GPR137C: variants seen among roughly 807,000 people sequenced by gnomAD.
GPR137C encodes integral membrane protein GPR137C.
Under a neutral mutation model 43.4 loss-of-function variants are expected in GPR137C, and 27 were observed. The observed-to-expected ratio is 0.62, with a 90% CI of 0.46 to 0.86. The LOEUF (loss-of-function observed/expected upper bound fraction) is 0.86. Ranked by LOEUF, GPR137C falls within the 40% of genes least tolerant of loss-of-function variation. The probability of loss-of-function intolerance (pLI) is 0.00; values close to 1 mark genes in which losing one functional copy is unlikely to be tolerated. For synonymous variants in GPR137C, 285 were observed against 226.9 expected, an observed-to-expected ratio of 1.26 and a Z score of -2.30; for missense variants, 522 against 534.6, an observed-to-expected ratio of 0.98 and a Z score of 0.23.
chr14:52,621,836 A>C (rs2039164701), intron 3 of GPR137C, among the ~76,000 whole-genome samples: 1 of 151,688 alleles, frequency 6.6e-6, no homozygotes, highest in African/African-American at 2.4e-5. Flanking sequence ...TTGTTTGTGT[A>C]TATTATATCT....
chr14:52,579,311 A>T (rs2038610060), intron 1 of GPR137C, among the ~76,000 whole-genome samples: 1 of 152,174 alleles, frequency 6.6e-6, no homozygotes. Flanking sequence ...TCTCCAGAGA[A>T]TAAATACCCA....
intron 3 of GPR137C, among the ~76,000 whole-genome samples, chr14:52,604,417 C>G (rs2038960805): frequency 6.6e-6 from 1 of 150,820 alleles, no homozygotes; most frequent in African/African-American, 2.4e-5. Context: ...GTTTTAAATC[C>G]ATTTTTGTAG....
intron 3 of GPR137C, among the ~76,000 whole-genome samples, chr14:52,606,967 A>G (rs535058072): frequency 4.6e-5 from 7 of 151,988 alleles, no homozygotes; most frequent in Non-Finnish European, 8.8e-5. Context: ...GCTGTATCCT[A>G]TAGTTTCTGG....
chr14:52,567,825 A>C (rs1402392691), intron 1 of GPR137C, among the ~76,000 whole-genome samples: 1 of 151,732 alleles, frequency 6.6e-6, no homozygotes, highest in Non-Finnish European at 1.5e-5. Flanking sequence ...ACGCCTGGCT[A>C]ATTTTTGCAT....
intron 1 of GPR137C, among the ~76,000 whole-genome samples, chr14:52,593,380 T>G (rs143894266): frequency 0.13 from 20,044 of 152,252 alleles, 1,404 homozygotes; most frequent in Non-Finnish European, 0.15. Flanking sequence ...CTTTTTCTAT[T>G]GATTGGAATA....
Position 52,606,732 on chromosome 14 carries a change from CA to C in GPR137C, c.717+6397del, listed in dbSNP as rs2038987612. Among the ~76,000 whole-genome samples the C allele has an allele frequency of 2.0e-5, 3 of 152,172 alleles. No homozygotes were observed. In the South Asian group the frequency reaches 6.2e-4, roughly 32 times the overall value. The stretch of plus-strand genomic sequence containing the variant: ...AGCTAAGTTTGTTGATTTATTTTTT[CA>C]AAAAACAAACTTTTTGTTTTGTTCC... On this transcript the variant is annotated intron_variant, in intron 3 of 6. Coordinates refer to ENST00000321662, the MANE Select transcript of GPR137C (RefSeq NM_001099652.2).
In GPR137C at chr14:52,632,215, C is replaced by T. The variant is rs2039302930; in HGVS notation, c.773C>T (p.Ser258Phe). ...GGCTCTGTAGTCATTCTTCTGTACT[C>T]TTCCAGAGCTTGTTATAATTTGGTG... ...VVGSVVILLYSSRACYNLVVV... is the reference protein window; with the variant it reads ...VVGSVVILLYFSRACYNLVVV... Residue 258 changes from serine (S) to phenylalanine (F), a missense_variant, in exon 4 of 7, where the codon TCT becomes TTT. Coordinates refer to ENST00000321662, the MANE Select transcript of GPR137C (RefSeq NM_001099652.2). The T allele has an allele frequency of 6.2e-7, 1 of 1,606,060 alleles. No individual in the cohort carries two copies. Among genetic ancestry groups the T allele is most frequent in the African/African-American group, 1.3e-5 (1 of 74,912 alleles).
intron 3 of GPR137C, among the ~76,000 whole-genome samples, chr14:52,619,552 A>G (rs1412875836): frequency 6.6e-6 from 1 of 152,108 alleles, no homozygotes; most frequent in Non-Finnish European, 1.5e-5. Flanking sequence ...GAGCTGACCC[A>G]CCACACCTTG....
intron 3 of GPR137C, among the ~76,000 whole-genome samples, chr14:52,623,388 CT>C (rs1446863357): frequency 6.6e-6 from 1 of 152,152 alleles, no homozygotes; most frequent in Non-Finnish European, 1.5e-5. Context: ...CTATTGTGTA[CT>C]TTATTGGCCA....
chr14:52,625,532 CTTTTTTTTTTTTTTTTTTT>C (rs770278309), intron 3 of GPR137C, among the ~76,000 whole-genome samples: 18 of 36,078 alleles, frequency 5.0e-4, no homozygotes, highest in East Asian at 8.0e-4. Flanking sequence ...AAGAACACAT[CTTTTTTTTTTTTTTTTTTT>C]TTTTTTTTTT....
intron 3 of GPR137C, chr14:52,613,713 T>C (rs1277874879): frequency 1.1e-5 from 3 of 273,572 alleles, no homozygotes; most frequent in South Asian, 3.9e-5. Context: ...TAGTACTCCA[T>C]TGTGTGTAAG....
Position 52,632,441 on chromosome 14 carries a change from A to T in GPR137C, c.867+132A>T, listed in dbSNP as rs552770593. ...GTCTACTGTCAGTAATCATACTTAAAGCTTTGTGTTTAAAAATCTTTATGT... is the reference window on the plus strand; with the variant it reads ...GTCTACTGTCAGTAATCATACTTAATGCTTTGTGTTTAAAAATCTTTATGT... On this transcript the variant is annotated intron_variant, in intron 4 of 6. Coordinates refer to ENST00000321662, the MANE Select transcript of GPR137C (RefSeq NM_001099652.2). The T allele has an allele frequency of 1.1e-5, 7 of 615,786 alleles. 1 individual carries two copies. The highest frequency in any genetic ancestry group is 1.1e-4 in the South Asian group (4 of 36,114). The allele number at this position is 615,786 out of a possible 1,614,324, so 38.1% of individuals were successfully genotyped here.
chr14:52,556,397 T>TC, intron 1 of GPR137C, among the ~76,000 whole-genome samples: 1 of 151,498 alleles, frequency 6.6e-6, no homozygotes, highest in East Asian at 1.9e-4. Context: ...TTTTCTTTTT[T>TC]TTTTTTTCTT....
At chr14:52,554,722 A>C (rs2038166739) in intron 1 of GPR137C, among the ~76,000 whole-genome samples, 1 of 152,190 alleles carries the variant, frequency 6.6e-6, no homozygotes, top group Non-Finnish European at 1.5e-5. Flanking sequence ...GTAAAAAAAA[A>C]AAAAATGACG....
intron 1 of GPR137C, among the ~76,000 whole-genome samples, chr14:52,585,753 T>C (rs1329706941): frequency 6.6e-6 from 1 of 152,108 alleles, no homozygotes; most frequent in Non-Finnish European, 1.5e-5. Context: ...GAGAATCACT[T>C]GAACCCAGGA....
chr14:52,602,937 A>G (rs2038943555), intron 3 of GPR137C, among the ~76,000 whole-genome samples: 1 of 152,264 alleles, frequency 6.6e-6, no homozygotes, highest in East Asian at 1.9e-4. Flanking sequence ...CATCACCTCA[A>G]ACATTTATAT....
intron 1 of GPR137C, among the ~76,000 whole-genome samples, chr14:52,554,612 A>G (rs1327551953): frequency 6.6e-6 from 1 of 152,166 alleles, no homozygotes; most frequent in East Asian, 1.9e-4. Context: ...GTGACATCAT[A>G]TGCTTAATAC....
chr14:52,621,111 A>C (rs1043275224), intron 3 of GPR137C, among the ~76,000 whole-genome samples: 1 of 151,906 alleles, frequency 6.6e-6, no homozygotes, highest in Non-Finnish European at 1.5e-5. Context: ...GTCTAGGGTC[A>C]TTACAGTTAA....
intron 1 of GPR137C, among the ~76,000 whole-genome samples, chr14:52,564,231 C>T (rs1264003199): frequency 5.0e-5 from 7 of 139,990 alleles, no homozygotes; most frequent in Non-Finnish European, 1.0e-4. Context: ...GCCGAGATCG[C>T]ATCACTGCAC....
Sources: allele counts gnomAD v4.1 joint callset (sites outside exome capture counted in the v4.1 genomes callset), GRCh38; gene constraint gnomAD v4.1.1; transcripts MANE v1.5; gene names NCBI Gene and HGNC (gene_info 2026-07-23, HGNC 2026-07-21).